The following AK9 variants were observed in gnomAD, a reference collection of about 807,000 sequenced individuals.
AK9 encodes adenylate kinase domain containing 1.
In AK9, 191 loss-of-function variants were observed where a neutral mutation model predicts 239.6. The observed-to-expected ratio is 0.80, with a 90% CI of 0.71 to 0.90. AK9 has a LOEUF of 0.90. AK9 is among the 40% of genes least tolerant of loss of function. AK9 has a pLI of 0.00. For missense variants in AK9, 1,995 were observed against 2,214.7 expected (o/e 0.90, Z 1.99); for synonymous variants, 689 against 721.0 (o/e 0.96, Z 0.71).
chr6:109,647,783 T>C (rs1323874539), intron 8 of AK9, among the ~76,000 whole-genome samples: 3 of 121,214 alleles, frequency 2.5e-5, no homozygotes, highest in East Asian at 3.4e-4. Flanking sequence ...CAACAGAATA[T>C]ACATTCTTCT....
Position 109,556,878 on chromosome 6 carries a change from A to C in AK9, c.2752-6576T>G, listed in dbSNP as rs376903375. On this transcript the variant is annotated intron_variant, in intron 24 of 40. Coordinates refer to ENST00000424296, the MANE Select transcript of AK9 (RefSeq NM_001145128.3). ...CATCAGGTCATTTATGTTCCTCTCT[A>C]AACTGATTATTCTAGTTAGCAATTG... Among the ~76,000 whole-genome samples the C allele has an allele frequency of 7.2e-5, 11 of 151,914 alleles. No individual in the cohort carries two copies. In the East Asian group the frequency reaches 2.1e-3, roughly 30 times the overall value.
At chr6:109,668,514 G>A (rs1262252130) in intron 5 of AK9, among the ~76,000 whole-genome samples, 3 of 150,360 alleles carry the variant, frequency 2.0e-5, no homozygotes, top group Non-Finnish European at 3.0e-5. Flanking sequence ...TTTCTTCTAG[G>A]GTTTTTATGG....
intron 1 of AK9, among the ~76,000 whole-genome samples, chr6:109,683,907 T>A (rs1773058322): frequency 6.6e-6 from 1 of 152,122 alleles, no homozygotes; most frequent in Non-Finnish European, 1.5e-5. Flanking sequence ...ACTTTAAACT[T>A]CATGTGGAAC....
chr6:109,635,416 C>T (rs1796595396), intron 10 of AK9, among the ~76,000 whole-genome samples: 1 of 152,156 alleles, frequency 6.6e-6, no homozygotes, highest in South Asian at 2.1e-4. Flanking sequence ...GAGCAGAAAA[C>T]AGTGTAACTG....
At chr6:109,564,545 A>C (rs1452664572) in intron 22 of AK9, among the ~76,000 whole-genome samples, 1 of 151,368 alleles carries the variant, frequency 6.6e-6, no homozygotes, top group East Asian at 1.9e-4. Context: ...TTAATAAAAA[A>C]TGTATAAAAC....
In AK9 at chr6:109,629,796, C is replaced by A. The variant is rs1296680527; in HGVS notation, c.1254+3127G>T. On this transcript the variant is annotated intron_variant, in intron 12 of 40. Transcript: ENST00000424296. ...TACAGGCGCCCGTCACCGTGCCCGG[C>A]TAATTTTTTTGTATTTTTAGTAGAG... 3.3e-5 allele frequency among the ~76,000 whole-genome samples: 5 copies of A among 152,074 alleles called. No individual in the cohort carries two copies. In the East Asian group the frequency reaches 9.7e-4, roughly 29 times the overall value.
At chr6:109,631,409 G>A (rs1451199721) in intron 12 of AK9, among the ~76,000 whole-genome samples, 2 of 152,090 alleles carry the variant, frequency 1.3e-5, no homozygotes, top group African/African-American at 4.8e-5. Flanking sequence ...ATATTTAAAT[G>A]GTCAGTAAAC....
At chr6:109,513,181 T>C (rs1394475467) in intron 32 of AK9, among the ~76,000 whole-genome samples, 1 of 152,148 alleles carries the variant, frequency 6.6e-6, no homozygotes, top group Non-Finnish European at 1.5e-5. Flanking sequence ...ATTATATTTA[T>C]AAAATATTTT....
chr6:109,545,209 G>A (rs1783391816), intron 26 of AK9, among the ~76,000 whole-genome samples: 1 of 152,158 alleles, frequency 6.6e-6, no homozygotes, highest in African/African-American at 2.4e-5. Flanking sequence ...GGAGGTCAAG[G>A]TGGGTAAATG....
intron 1 of AK9, among the ~76,000 whole-genome samples, chr6:109,684,298 G>A (rs908302940): frequency 6.6e-6 from 1 of 152,114 alleles, no homozygotes; most frequent in Non-Finnish European, 1.5e-5. Flanking sequence ...AAAAATCCTA[G>A]AAGAAAACCT....
chr6:109,681,016 A>T (rs1414257806), intron 1 of AK9, among the ~76,000 whole-genome samples: 2 of 152,220 alleles, frequency 1.3e-5, no homozygotes, highest in Non-Finnish European at 1.5e-5. Flanking sequence ...AAGAACATCG[A>T]CACTATGAAG....
intron 29 of AK9, among the ~76,000 whole-genome samples, chr6:109,523,384 A>C (rs750750091): frequency 1.3e-4 from 20 of 152,096 alleles, no homozygotes; most frequent in African/African-American, 2.2e-4. Flanking sequence ...TATATTCTAA[A>C]CTTCATGGCC....
intron 8 of AK9, among the ~76,000 whole-genome samples, chr6:109,650,813 A>T (rs1798817723): frequency 6.6e-6 from 1 of 152,226 alleles, no homozygotes; most frequent in African/African-American, 2.4e-5. Flanking sequence ...TCACAATAGC[A>T]AAGACTTGGA....
intron 17 of AK9, among the ~76,000 whole-genome samples, chr6:109,586,573 T>G (rs1789535163): frequency 6.6e-6 from 1 of 152,184 alleles, no homozygotes. Flanking sequence ...TAATGATGCC[T>G]GGACCACTCT....
chr6:109,609,955 A>G (rs771477811), intron 17 of AK9, among the ~76,000 whole-genome samples: 1 of 152,090 alleles, frequency 6.6e-6, no homozygotes, highest in Admixed American at 6.5e-5. Context: ...CTATGAACAC[A>G]TGTTCAAGTT....
chr6:109,600,005 C>T (rs980800719), intron 17 of AK9, among the ~76,000 whole-genome samples: 2 of 152,166 alleles, frequency 1.3e-5, no homozygotes, highest in Non-Finnish European at 2.9e-5. Context: ...TCTAGATATA[C>T]AATCATGTCA....
At chr6:109,644,050 T>C (rs1289888578) in intron 9 of AK9, among the ~76,000 whole-genome samples, 2 of 152,226 alleles carry the variant, frequency 1.3e-5, no homozygotes, top group African/African-American at 4.8e-5. Flanking sequence ...CCCCAACATA[T>C]TGGATACTGC....
chr6:109,641,947 C>G (rs541593304), intron 9 of AK9, among the ~76,000 whole-genome samples: 2 of 152,180 alleles, frequency 1.3e-5, no homozygotes, highest in Non-Finnish European at 2.9e-5. Flanking sequence ...TTGAGGGACA[C>G]ATTTCAACTC....
chr6:109,582,406 A>T (rs897475044), intron 19 of AK9, among the ~76,000 whole-genome samples: 5 of 152,228 alleles, frequency 3.3e-5, no homozygotes, highest in Admixed American at 6.5e-5. Context: ...AAATATCCAC[A>T]TTAACAGGAA....
Sources: allele counts gnomAD v4.1 joint callset (sites outside exome capture counted in the v4.1 genomes callset), GRCh38; gene constraint gnomAD v4.1.1; transcripts MANE v1.5; gene names NCBI Gene and HGNC (gene_info 2026-07-23, HGNC 2026-07-21).